Variants in CSMD1 observed in about 807,000 individuals in gnomAD.
CSMD1 encodes CUB and sushi domain-containing protein 1.
In CSMD1, 213 loss-of-function variants were observed where a neutral mutation model predicts 417.5. That is an observed-to-expected ratio of 0.51 (90% CI 0.46 to 0.57). The LOEUF is 0.57. Among genes scored for constraint, CSMD1 ranks in the 20% least tolerant of loss-of-function variants. The pLI is 0.00. For synonymous variants in CSMD1, 2,862 were observed against 1,736.8 expected (o/e 1.65, Z -16.11); for missense variants, 6,923 against 4,529.7 (o/e 1.53, Z -15.17).
chr8:4,247,037 A>C (rs559076232), intron 3 of CSMD1, among the ~76,000 whole-genome samples: 12 of 152,342 alleles, frequency 7.9e-5, no homozygotes, highest in Admixed American at 3.9e-4. Flanking sequence ...TATCATTCAA[A>C]ACCTTAAAAT....
chr8:4,034,226 C>T (rs2130592251), intron 3 of CSMD1, among the ~76,000 whole-genome samples: 1 of 148,686 alleles, frequency 6.7e-6, no homozygotes, highest in African/African-American at 2.4e-5. Context: ...CATGATATTA[C>T]TTAAGTACAA....
chr8:4,736,389 G>C (rs550086246), intron 1 of CSMD1, among the ~76,000 whole-genome samples: 1 of 152,272 alleles, frequency 6.6e-6, no homozygotes, highest in East Asian at 1.9e-4. Context: ...TTCCAGGAGA[G>C]AGAGAGAGAG....
chr8:4,365,770 T>C (rs138303781), intron 3 of CSMD1, among the ~76,000 whole-genome samples: 2 of 152,198 alleles, frequency 1.3e-5, no homozygotes, highest in Non-Finnish European at 2.9e-5. Flanking sequence ...ACCGAATTTA[T>C]AGTCAAGTCC....
At chr8:3,340,996 A>G (rs573993419) in intron 23 of CSMD1, among the ~76,000 whole-genome samples, 1 of 152,362 alleles carries the variant, frequency 6.6e-6, no homozygotes, top group South Asian at 2.1e-4. Flanking sequence ...CTATGTAATC[A>G]AAAATGTCTG....
rs1009228155 is a variant in CSMD1, at chr8:2,997,746, A to G, written c.8377+265T>C. The stretch of plus-strand genomic sequence containing the variant: ...AGGGTAGAAATAAATGTGTAAATAC[A>G]TGAATAAAAAGAGAAATAGAAGATG... On this transcript the variant is annotated intron_variant, in intron 54 of 69. Transcript: ENST00000635120. Among the ~76,000 whole-genome samples, 10 of 152,260 alleles carry G rather than the reference A, an allele frequency of 6.6e-5. No individual in the cohort carries two copies. The South Asian group carries it at 1.9e-3, about 28-fold the overall frequency.
chr8:3,126,391 G>A (rs1351532763), intron 41 of CSMD1, among the ~76,000 whole-genome samples: 1 of 152,200 alleles, frequency 6.6e-6, no homozygotes, highest in Non-Finnish European at 1.5e-5. Context: ...GCTTCTGGTG[G>A]TGGGAATTAG....
chr8:3,317,275 T>C (rs988388065), intron 23 of CSMD1, among the ~76,000 whole-genome samples: 2 of 152,198 alleles, frequency 1.3e-5, no homozygotes, highest in African/African-American at 4.8e-5. Flanking sequence ...AAAATAAACA[T>C]GCTTTGGATA....
intron 3 of CSMD1, among the ~76,000 whole-genome samples, chr8:4,294,065 C>G (rs1047885945): frequency 8.5e-5 from 13 of 152,128 alleles, no homozygotes; most frequent in African/African-American, 2.7e-4. Context: ...GACTATTGCA[C>G]CGAAATACTG....
At chr8:4,420,098 A>C (rs550148254) in intron 2 of CSMD1, 33 bp from the exon 3 acceptor site, 2 of 1,465,186 alleles carry the variant, frequency 1.4e-6, no homozygotes, top group African/African-American at 3.0e-5. Flanking sequence ...AAAGAGAGTT[A>C]AAAGCATGAA....
chr8:4,127,150 G>A (rs1029496976), intron 3 of CSMD1, among the ~76,000 whole-genome samples: 1 of 152,004 alleles, frequency 6.6e-6, no homozygotes, highest in East Asian at 1.9e-4. Flanking sequence ...CTTTGCATCT[G>A]CTGCAGAAAC....
In CSMD1 at chr8:3,940,152, G is replaced by C. The variant is rs183992758; in HGVS notation, c.818+57751C>G. ...AGTACTACTATACAAGTTATTTTAA[G>C]CTTGTCATTGTGTTTCAAACATGAA... On this transcript the variant is annotated intron_variant, in intron 5 of 69. Coordinates refer to ENST00000635120, the MANE Select transcript of CSMD1 (RefSeq NM_033225.6). Among the ~76,000 whole-genome samples, 993 of 152,068 alleles carry C rather than the reference G, an allele frequency of 6.5e-3. 13 individuals carry two copies. The highest frequency in any genetic ancestry group is 0.023 in the African/African-American group (951 of 41,514).
intron 2 of CSMD1, among the ~76,000 whole-genome samples, chr8:4,636,942 G>A (rs1255109236): frequency 2.0e-5 from 3 of 152,074 alleles, no homozygotes; most frequent in African/African-American, 4.8e-5. Context: ...ACCAATCAGC[G>A]CTCTATAAAA....
chr8:4,429,690 C>T (rs1797761646), intron 2 of CSMD1, among the ~76,000 whole-genome samples: 1 of 152,062 alleles, frequency 6.6e-6, no homozygotes, highest in Admixed American at 6.6e-5. Context: ...CCCAATACCC[C>T]AAAAGAACAG....
intron 50 of CSMD1, among the ~76,000 whole-genome samples, chr8:3,045,057 G>A (rs1158451620): frequency 1.3e-5 from 2 of 152,050 alleles, no homozygotes; most frequent in Non-Finnish European, 2.9e-5. Flanking sequence ...TCCAGCCCTT[G>A]AATACCAAGG....
intron 2 of CSMD1, among the ~76,000 whole-genome samples, chr8:4,603,683 A>C (rs955014433): frequency 2.0e-5 from 3 of 152,156 alleles, no homozygotes; most frequent in African/African-American, 7.2e-5. Flanking sequence ...CACATTAAAA[A>C]CAGTGATTTT....
intron 54 of CSMD1, among the ~76,000 whole-genome samples, chr8:2,987,965 G>T (rs1294836729): frequency 3.7e-5 from 5 of 136,710 alleles, no homozygotes; most frequent in Non-Finnish European, 8.1e-5. Context: ...TACCATGGGG[G>T]TTGGCTGCAC....
chr8:4,618,866 C>T (rs779481084), intron 2 of CSMD1, among the ~76,000 whole-genome samples: 2 of 152,082 alleles, frequency 1.3e-5, no homozygotes, highest in Non-Finnish European at 2.9e-5. Context: ...ATATGAAATA[C>T]AAGAGTACAC....
intron 7 of CSMD1, among the ~76,000 whole-genome samples, chr8:3,682,402 A>C (rs1374656478): frequency 6.6e-6 from 1 of 152,248 alleles, no homozygotes; most frequent in African/African-American, 2.4e-5. Flanking sequence ...GACACTTCTC[A>C]AAAGATGACC....
chr8:4,841,188 CA>C (rs1357820761), intron 1 of CSMD1, among the ~76,000 whole-genome samples: 1 of 152,192 alleles, frequency 6.6e-6, no homozygotes, highest in African/African-American at 2.4e-5. Flanking sequence ...CTTGCAAAAG[CA>C]AATATTATAC....
Sources: allele counts gnomAD v4.1 joint callset (sites outside exome capture counted in the v4.1 genomes callset), GRCh38; gene constraint gnomAD v4.1.1; transcripts MANE v1.5; gene names NCBI Gene and HGNC (gene_info 2026-07-23, HGNC 2026-07-21).